LAT: variants seen among roughly 807,000 people sequenced by gnomAD.
The protein encoded by LAT is linker for activation of T-cells family member 1.
A neutral mutation model predicts 39.1 loss-of-function variants in LAT; 12 were observed. The ratio of observed to expected loss-of-function variants is 0.31; its 90% CI spans 0.20 to 0.50. The LOEUF is 0.50. LAT is among the 20% of genes least tolerant of loss of function. The pLI is 0.98. For missense variants in LAT, 253 were observed against 308.0 expected (o/e 0.82, Z 1.34); for synonymous variants, 117 against 123.8 (o/e 0.95, Z 0.36).
Position 28,986,574 on chromosome 16 carries a change from G to T in LAT, c.340+5G>T. The stretch of plus-strand genomic sequence containing the variant: ...TGGCGAGCTACGAGAACGAGGGTGC[G>T]TCTGGGATCCGAGGTGCCCAGGCTG... On this transcript the variant is annotated splice_donor_5th_base_variant and intron_variant, in intron 6 of 11. Coordinates refer to ENST00000395456, the MANE Select transcript of LAT (RefSeq NM_001014987.2). This position sits in a 1 kb window ranked among gnomAD's most constrained non-coding sequence, Gnocchi z 5.7. 2 of 1,613,308 alleles carry T rather than the reference G, an allele frequency of 1.2e-6. No individual in the cohort carries two copies. Among genetic ancestry groups the T allele is most frequent in the Non-Finnish European group, 1.7e-6 (2 of 1,179,470 alleles).
At position 28,986,130 on chromosome 16, in the gene LAT, C is replaced by A; in HGVS notation, c.164-5C>A. On this transcript the variant is annotated splice_polypyrimidine_tract_variant and splice_region_variant and intron_variant, in intron 3 of 11. Transcript: ENST00000395456. This position sits in a 1 kb window ranked among gnomAD's most constrained non-coding sequence, Gnocchi z 5.7. ...CCTTCTTTCAACTTGGTTCTGTGTC[C>A]TCAGACACGGTTGCCCCCTGGCCAC... is the stretch of plus-strand genomic sequence containing the variant. The A allele has an allele frequency of 6.3e-7, 1 of 1,591,100 alleles. No individual in the cohort carries two copies.
In LAT at chr16:28,986,431, C is replaced by T. The variant is rs368906014; in HGVS notation, c.295C>T (p.Arg99Trp). 83 of 1,613,790 alleles carry T rather than the reference C, an allele frequency of 5.1e-5. No homozygotes were observed. Among genetic ancestry groups the T allele is most frequent in the African/African-American group, 9.3e-5 (7 of 74,908 alleles). ...GGSHRTPSSR[R>W]DSDGANSVAS... ...CTCCCACCGGACGCCATCTTCCCGG[C>T]GGGATTCTGATGGTGGTAAGTGTGG... is the stretch of plus-strand genomic sequence containing the variant. Residue 99 changes from arginine to tryptophan, a missense_variant, in exon 5 of 12, where the codon CGG (arginine) becomes TGG (tryptophan). Arg to Trp is a moderately radical substitution (Grantham distance 101, BLOSUM62 -3). Transcript: ENST00000395456. The surrounding 1 kb of genome is among the most constrained non-coding windows in gnomAD (Gnocchi z 5.7).
Position 28,985,069 on chromosome 16 carries a change from G to A in LAT, c.-349G>A. 7.0e-7 allele frequency: 1 copy of A among 1,425,950 alleles called. No individual in the cohort carries two copies. The highest frequency in any genetic ancestry group is 9.1e-7 in the Non-Finnish European group (1 of 1,094,132). The allele number at this position is 1,425,950 out of a possible 1,614,324, so 88.3% of individuals were successfully genotyped here. ...CGCTCACCACAGCTTCCTGCCGCAGGCGGGCGGGAGGGCGGGCACGGAGAG... is the reference window on the plus strand; with the variant it reads ...CGCTCACCACAGCTTCCTGCCGCAGACGGGCGGGAGGGCGGGCACGGAGAG... On this transcript the variant is annotated 5_prime_UTR_variant, in exon 1 of 12. Coordinates refer to ENST00000395456, the MANE Select transcript of LAT (RefSeq NM_001014987.2). The surrounding 1 kb of genome is among the most constrained non-coding windows in gnomAD (Gnocchi z 4.6).
chr16:28,986,263 C>A lies in LAT; in HGVS notation c.245+47C>A. On this transcript the variant is annotated intron_variant, in intron 4 of 11. Transcript: ENST00000395456. The surrounding 1 kb of genome is among the most constrained non-coding windows in gnomAD (Gnocchi z 5.7). ...GCCCCTCCAAAGCTCAGCCCCTCCC[C>A]CTCCAAACTCCACTCTCTACCCCTT... 1 of 1,542,174 alleles carries A rather than the reference C, an allele frequency of 6.5e-7. No homozygotes were observed. The highest frequency in any genetic ancestry group is 1.2e-5 in the South Asian group (1 of 85,340).
chr16:28,989,708 C>A (rs972905045), intron 9 of LAT, 66 bp from the exon 10 acceptor site: 33 of 1,593,266 alleles, frequency 2.1e-5, no homozygotes, highest in Non-Finnish European at 2.8e-5. Flanking sequence ...GTCTGGGCGT[C>A]CCCTTGCTCT....
At position 28,989,659 on chromosome 16, in the gene LAT, G is replaced by C. The variant is rs556171017; in HGVS notation, c.556+70G>C. 9 of 1,585,686 alleles carry C rather than the reference G, an allele frequency of 5.7e-6. No homozygotes were observed. The South Asian group carries it at 6.8e-5, about 12-fold the overall frequency. On this transcript the variant is annotated intron_variant, in intron 9 of 11. Coordinates refer to ENST00000395456, the MANE Select transcript of LAT (RefSeq NM_001014987.2). ...CCCCACCATGCTCTCAGTGTGACCAGATCCCACCCTGGGGCTACCCACACC... is the reference window on the plus strand; with the variant it reads ...CCCCACCATGCTCTCAGTGTGACCACATCCCACCCTGGGGCTACCCACACC...
Position 28,989,458 on chromosome 16 carries a change from G to C in LAT, c.494-69G>C, listed in dbSNP as rs1288117142. On this transcript the variant is annotated intron_variant, in intron 8 of 11. Coordinates refer to ENST00000395456, the MANE Select transcript of LAT (RefSeq NM_001014987.2). ...GGGAGCTCTGCATGGCTGAGGTTGG[G>C]GGTTCTCTGGGAACCTGTGGCCAAG... is the stretch of plus-strand genomic sequence containing the variant. 3 of 1,421,766 alleles carry C rather than the reference G, an allele frequency of 2.1e-6. No homozygotes were observed. The East Asian group carries it at 6.9e-5, about 33-fold the overall frequency. The allele number at this position is 1,421,766 out of a possible 1,614,324, so 88.1% of individuals were successfully genotyped here.
In LAT at chr16:28,986,201, A is replaced by T; in HGVS notation, c.230A>T (p.Asp77Val). ...VTSYPPLSQP[D>V]LLPIPRSPQP... ...TCCTACCCACCCCTGAGCCAGCCAG[A>T]CCTGCTCCCCATCCCGTGAGTAGCT... is the stretch of plus-strand genomic sequence containing the variant. Residue 77 changes from aspartate (D) to valine (V), a missense_variant, in exon 4 of 12, where the codon GAC (aspartate) becomes GTC (valine). Asp to Val is a radical substitution (Grantham distance 152, BLOSUM62 -3). Transcript: ENST00000395456. The surrounding 1 kb of genome is among the most constrained non-coding windows in gnomAD (Gnocchi z 5.7). The T allele has an allele frequency of 6.2e-7, 1 of 1,600,878 alleles. No homozygotes were observed. The highest frequency in any genetic ancestry group is 8.5e-7 in the Non-Finnish European group (1 of 1,173,020).
At chr16:28,984,850 C>G, upstream of LAT, 1 of 1,550,342 alleles carries the variant, frequency 6.5e-7, no homozygotes, top group Non-Finnish European at 8.7e-7. Flanking sequence ...GCTGCCTCCC[C>G]GGGTCCTGGA....
rs1247721230 is a variant in LAT at position 28,990,591 on chromosome 16, A to T, written c.*410A>T. Reference sequence around the variant, plus strand: ...GCTGTGACACCCCCCTTCTGAATGAAGCCTTCTGACCTGGGCTGGCACTGC... The same window carrying T: ...GCTGTGACACCCCCCTTCTGAATGATGCCTTCTGACCTGGGCTGGCACTGC... On this transcript the variant is annotated 3_prime_UTR_variant, in exon 12 of 12. Coordinates refer to ENST00000395456, the MANE Select transcript of LAT (RefSeq NM_001014987.2). 4.1e-6 allele frequency: 1 copy of T among 243,732 alleles called. No individual in the cohort carries two copies. Among genetic ancestry groups the T allele is most frequent in the African/African-American group, 2.3e-5 (1 of 42,996 alleles). 15.1% of individuals were successfully genotyped at this position (243,732 alleles called of 1,614,324 possible).
chr16:28,986,278 C>A lies in LAT; in HGVS notation c.245+62C>A. ...AGCCCCTCCCCCTCCAAACTCCACT[C>A]TCTACCCCTTCACTTTTTTGGATTG... is the stretch of plus-strand genomic sequence containing the variant. On this transcript the variant is annotated intron_variant, in intron 4 of 11. Transcript: ENST00000395456. This position sits in a 1 kb window ranked among gnomAD's most constrained non-coding sequence, Gnocchi z 5.7. The A allele has an allele frequency of 6.4e-7, 1 of 1,554,580 alleles. No individual in the cohort carries two copies. The highest frequency in any genetic ancestry group is 2.3e-5 in the East Asian group (1 of 44,314).
chr16:28,989,888 G>A (rs755773671), intron 10 of LAT, 45 bp from the exon 11 acceptor site: 7 of 1,613,576 alleles, frequency 4.3e-6, no homozygotes, highest in Middle Eastern at 1.6e-4. Context: ...TTTGGGCTTG[G>A]GGGGATAGCT....
intron 8 of LAT, chr16:28,989,203 G>A (rs564895454): frequency 6.4e-4 from 177 of 275,110 alleles, no homozygotes; most frequent in Middle Eastern, 2.2e-3. Context: ...GCTCCGAGCC[G>A]CACTACATCC....
chr16:28,990,316 C>G lies in LAT; in HGVS notation c.*135C>G, dbSNP rs1965843192. ...GCCTGACAACAGCCTGAGAAATCCCCCCGTAACTTATTATCACTTTGGGGT... is the reference window on the plus strand; with the variant it reads ...GCCTGACAACAGCCTGAGAAATCCCGCCGTAACTTATTATCACTTTGGGGT... On this transcript the variant is annotated 3_prime_UTR_variant, in exon 12 of 12. Coordinates refer to ENST00000395456, the MANE Select transcript of LAT (RefSeq NM_001014987.2). 1 of 618,294 alleles carries G rather than the reference C, an allele frequency of 1.6e-6. No individual in the cohort carries two copies. The highest frequency in any genetic ancestry group is 2.2e-5 in the Admixed American group (1 of 46,418). The allele number at this position is 618,294 out of a possible 1,614,324, so 38.3% of individuals were successfully genotyped here.
intron 8 of LAT, chr16:28,987,745 G>A (rs1441019043): frequency 6.6e-6 from 1 of 151,754 alleles, no homozygotes; most frequent in African/African-American, 2.4e-5. Context: ...TTTACTATGT[G>A]CCTCTGCTGG....
rs1017989890 is a variant in LAT at position 28,990,378 on chromosome 16, C to T, written c.*197C>T. 8 of 453,182 alleles carry T rather than the reference C, an allele frequency of 1.8e-5. No homozygotes were observed. Among genetic ancestry groups the T allele is most frequent in the South Asian group, 7.2e-5 (4 of 55,746 alleles). 28.1% of individuals were successfully genotyped at this position (453,182 alleles called of 1,614,324 possible). The stretch of plus-strand genomic sequence containing the variant: ...CCCCCGAACGCTCTGCACCTTCTGA[C>T]GCAGCCTGAGAATGACCTGCCCTGG... On this transcript the variant is annotated 3_prime_UTR_variant, in exon 12 of 12. Transcript: ENST00000395456.
At chr16:28,984,913 G>C (rs572112079), upstream of LAT, 7 of 1,546,618 alleles carry the variant, frequency 4.5e-6, no homozygotes, top group South Asian at 2.4e-5. Context: ...CTTGGGGGGG[G>C]CCAGCAGACC....
In LAT at chr16:28,989,803, C is replaced by T. The variant is rs768840011; in HGVS notation, c.586C>T (p.Gln196Ter). Reference sequence around the variant, plus strand: ...CAGCCGGGAGTATGTGAATGTGTCCCAGGAACTGCATCCTGGAGCGGCTAA... The same window carrying T: ...CAGCCGGGAGTATGTGAATGTGTCCTAGGAACTGCATCCTGGAGCGGCTAA... The part of the protein sequence containing the change: ...DGSREYVNVS[Q>*]ELHPGAAKTE... Residue 196 changes from glutamine (Q) to a stop codon, truncating the protein, a stop_gained, in exon 10 of 12, where the codon CAG (glutamine) becomes TAG (stop). Transcript: ENST00000395456. LOFTEE classifies it high-confidence loss of function. The T allele has an allele frequency of 6.2e-7, 1 of 1,614,140 alleles. No homozygotes were observed. The highest frequency in any genetic ancestry group is 2.2e-5 in the East Asian group (1 of 44,862).
intron 8 of LAT, among the ~76,000 whole-genome samples, chr16:28,987,287 C>T (rs73535859): frequency 0.085 from 12,870 of 152,132 alleles, 1,297 homozygotes; most frequent in South Asian, 0.32. Context: ...TGGGAGATTT[C>T]CTTGTCTGTA....
Sources: allele counts gnomAD v4.1 joint callset (sites outside exome capture counted in the v4.1 genomes callset), GRCh38; gene constraint gnomAD v4.1.1; non-coding constraint Gnocchi (gnomAD v3.1); transcripts MANE v1.5; gene names NCBI Gene and HGNC (gene_info 2026-07-23, HGNC 2026-07-21).